Variants in DLGAP2 observed in about 807,000 individuals in gnomAD.
DLGAP2 encodes the protein DLG associated protein 2, also known as disks large-associated protein 2.
DLGAP2 carries 26 observed loss-of-function variants against 100.3 expected under a neutral mutation model. The observed-to-expected ratio is 0.26, with a 90% CI of 0.19 to 0.36. The LOEUF is 0.36. Among genes scored for constraint, DLGAP2 ranks in the 10% least tolerant of loss-of-function variants. DLGAP2 has a pLI of 1.00. For missense variants in DLGAP2, 1,858 were observed against 1,453.2 expected, an observed-to-expected ratio of 1.28 and a Z score of -4.53; for synonymous variants, 886 against 630.1, an observed-to-expected ratio of 1.41 and a Z score of -6.08.
At chr8:1,167,114 C>A (rs538052767) in intron 2 of DLGAP2, among the ~76,000 whole-genome samples, 7 of 151,510 alleles carry the variant, frequency 4.6e-5, no homozygotes, top group African/African-American at 1.7e-4. Flanking sequence ...CTAGCCTGGG[C>A]AACTGATCAA....
chr8:1,023,161 A>G (rs1343544784), intron 2 of DLGAP2, among the ~76,000 whole-genome samples: 1 of 152,200 alleles, frequency 6.6e-6, no homozygotes, highest in African/African-American at 2.4e-5. Context: ...ACTGTCGCTA[A>G]TAGAAATATT....
rs143128507 is a variant in DLGAP2 at position 921,902 on chromosome 8, G to A, written c.73+13936G>A. On this transcript the variant is annotated intron_variant, in intron 2 of 14. Coordinates refer to ENST00000637795, the MANE Select transcript of DLGAP2 (RefSeq NM_001346810.2). ...TCTTCCAGTGGACGGCGAGACGTTC[G>A]GGCAGAAGAACTGGACAGCTGCTTC... is the stretch of plus-strand genomic sequence containing the variant. Among the ~76,000 whole-genome samples, 620 of 152,336 alleles carry A rather than the reference G, an allele frequency of 4.1e-3. 4 individuals carry two copies. Among genetic ancestry groups the A allele is most frequent in the African/African-American group, 0.014 (580 of 41,564 alleles).
At chr8:1,560,606 C>T (rs1329680237) in intron 5 of DLGAP2, among the ~76,000 whole-genome samples, 1 of 152,218 alleles carries the variant, frequency 6.6e-6, no homozygotes, top group African/African-American at 2.4e-5. Context: ...CGAAGGCCTC[C>T]AGTCATCTCC....
chr8:1,288,698 T>G (rs1307933642), intron 3 of DLGAP2, among the ~76,000 whole-genome samples: 1 of 150,044 alleles, frequency 6.7e-6, no homozygotes, highest in African/African-American at 2.5e-5. Context: ...TGTGTGTGTG[T>G]GGTTCTGTTA....
At chr8:1,535,547 C>A (rs1056134952) in intron 4 of DLGAP2, among the ~76,000 whole-genome samples, 1 of 152,214 alleles carries the variant, frequency 6.6e-6, no homozygotes, top group Non-Finnish European at 1.5e-5. Context: ...GCATGCCTGG[C>A]ACACACGTTG....
intron 2 of DLGAP2, among the ~76,000 whole-genome samples, chr8:1,252,801 G>GCTCC (rs1799077197): frequency 6.6e-6 from 1 of 152,232 alleles, no homozygotes; most frequent in African/African-American, 2.4e-5. Flanking sequence ...TGCTGACATG[G>GCTCC]AGCCTTTCCT....
chr8:1,566,604 T>C lies in DLGAP2; in HGVS notation c.1442+710T>C, dbSNP rs201596854. 2.6e-5 allele frequency among the ~76,000 whole-genome samples: 4 copies of C among 152,268 alleles called. No individual in the cohort carries two copies. In the East Asian group the frequency reaches 7.7e-4, roughly 29 times the overall value. On this transcript the variant is annotated intron_variant, in intron 6 of 14. Coordinates refer to ENST00000637795, the MANE Select transcript of DLGAP2 (RefSeq NM_001346810.2). The stretch of plus-strand genomic sequence containing the variant: ...GGCCGGCTGTGAGGTCCTGGGCAAG[T>C]GGATAGGCAGGGCGGAACTGCTTCT...
chr8:1,620,979 G>C (rs781272967), intron 6 of DLGAP2, among the ~76,000 whole-genome samples: 1 of 151,854 alleles, frequency 6.6e-6, no homozygotes, highest in African/African-American at 2.4e-5. Context: ...CTCACTCCCC[G>C]CCTCCCAGCT....
chr8:1,253,816 A>G (rs1403708234), intron 2 of DLGAP2, among the ~76,000 whole-genome samples: 1 of 152,162 alleles, frequency 6.6e-6, no homozygotes, highest in Non-Finnish European at 1.5e-5. Context: ...TACATTGTGA[A>G]TCTTTTTTAA....
intron 2 of DLGAP2, among the ~76,000 whole-genome samples, chr8:1,082,942 C>T (rs1024026065): frequency 2.6e-5 from 4 of 152,064 alleles, no homozygotes; most frequent in African/African-American, 7.2e-5. Flanking sequence ...TAGAAGGGAT[C>T]TGTTATGAAA....
chr8:1,268,635 T>A (rs1001792268), intron 3 of DLGAP2, among the ~76,000 whole-genome samples: 6 of 152,220 alleles, frequency 3.9e-5, no homozygotes, highest in African/African-American at 1.4e-4. Flanking sequence ...AGAATTCTTA[T>A]CATCTTCCTT....
At chr8:1,442,187 A>G (rs1275686739) in intron 3 of DLGAP2, among the ~76,000 whole-genome samples, 1 of 103,318 alleles carries the variant, frequency 9.7e-6, no homozygotes, top group African/African-American at 3.0e-5. Context: ...ATCCAGGCAT[A>G]GACCTGCCAG....
intron 7 of DLGAP2, among the ~76,000 whole-genome samples, chr8:1,628,212 G>A (rs1171515060): frequency 8.0e-6 from 1 of 125,734 alleles, no homozygotes; most frequent in Non-Finnish European, 1.6e-5. Flanking sequence ...AAGAGCCTGA[G>A]CTGACCTCAC....
chr8:1,238,542 C>G (rs1798716081), intron 2 of DLGAP2, among the ~76,000 whole-genome samples: 1 of 110,546 alleles, frequency 9.0e-6, no homozygotes, highest in African/African-American at 3.4e-5. Context: ...CTGGTTCTCT[C>G]ACATGGTGCC....
intron 2 of DLGAP2, among the ~76,000 whole-genome samples, chr8:1,173,610 C>T (rs1045482139): frequency 1.3e-5 from 2 of 152,156 alleles, no homozygotes; most frequent in Non-Finnish European, 2.9e-5. Context: ...CCCCAGCCTC[C>T]CTGCCGCCTA....
At chr8:1,613,365 G>A (rs1797041766) in intron 6 of DLGAP2, among the ~76,000 whole-genome samples, 2 of 151,646 alleles carry the variant, frequency 1.3e-5, no homozygotes, top group Admixed American at 1.3e-4. Context: ...ACACAGGAAG[G>A]GGAACATCAC....
intron 6 of DLGAP2, among the ~76,000 whole-genome samples, chr8:1,569,553 C>G (rs977677023): frequency 6.6e-6 from 1 of 152,198 alleles, no homozygotes; most frequent in African/African-American, 2.4e-5. Flanking sequence ...GTTGCCTATT[C>G]GCATCTTAGT....
chr8:1,343,096 T>G (rs896164207), intron 3 of DLGAP2, among the ~76,000 whole-genome samples: 73 of 152,290 alleles, frequency 4.8e-4, no homozygotes, highest in African/African-American at 1.7e-3. Context: ...CAGTCCTTAG[T>G]AGATGGTGCT....
At chr8:1,456,211 C>A (rs1412557761) in intron 3 of DLGAP2, among the ~76,000 whole-genome samples, 1 of 152,160 alleles carries the variant, frequency 6.6e-6, no homozygotes, top group Non-Finnish European at 1.5e-5. Flanking sequence ...AAACAGGACG[C>A]CCTAGTCTCT....
Sources: gnomAD v4.1 joint callset for allele counts (sites outside exome capture counted in the v4.1 genomes callset) on GRCh38, gnomAD v4.1.1 for gene constraint, MANE v1.5 for transcripts, NCBI Gene and HGNC (gene_info 2026-07-23, HGNC 2026-07-21) for gene names.